ALK: variants seen among roughly 807,000 people sequenced by gnomAD.
The protein encoded by ALK is ALK tyrosine kinase receptor.
In ALK, 74 loss-of-function variants were observed where a neutral mutation model predicts 163.1. That is an observed-to-expected ratio of 0.45 (90% CI 0.38 to 0.55). The LOEUF (loss-of-function observed/expected upper bound fraction) is 0.55. ALK is among the 20% of genes least tolerant of loss of function. ALK has a pLI of 0.00. For synonymous variants in ALK, 960 were observed against 843.2 expected (o/e 1.14, Z -2.40); for missense variants, 2,063 against 2,105.3 (o/e 0.98, Z 0.39).
At chr2:29,377,393 T>G (rs939740231) in intron 5 of ALK, among the ~76,000 whole-genome samples, 9 of 149,446 alleles carry the variant, frequency 6.0e-5, no homozygotes, top group Admixed American at 1.4e-4. Flanking sequence ...GAGAATTCCT[T>G]GAACCCAGGA....
chr2:29,787,232 C>A (rs1446347018), intron 1 of ALK, among the ~76,000 whole-genome samples: 1 of 152,192 alleles, frequency 6.6e-6, no homozygotes, highest in South Asian at 2.1e-4. Flanking sequence ...CACATTAGCA[C>A]TGCAATAATC....
intron 3 of ALK, 135 bp from the exon 4 acceptor site, chr2:29,532,251 C>G (rs1673141636): frequency 1.2e-6 from 1 of 824,192 alleles, no homozygotes; most frequent in South Asian, 1.5e-5. Flanking sequence ...CTGCATGCAC[C>G]CAGCCTTCTT....
intron 11 of ALK, among the ~76,000 whole-genome samples, chr2:29,265,386 T>C (rs2148208336): frequency 6.6e-6 from 1 of 152,260 alleles, no homozygotes; most frequent in Admixed American, 6.5e-5. Flanking sequence ...CCTAATCCCA[T>C]GTCTGACGAA....
intron 3 of ALK, among the ~76,000 whole-genome samples, chr2:29,671,223 A>C (rs188538573): frequency 1.1e-3 from 160 of 152,108 alleles, no homozygotes; most frequent in Non-Finnish European, 2.0e-3. Context: ...GCCCAGGTTC[A>C]CCTCTGCGCT....
At chr2:29,809,932 A>G (rs528466567) in intron 1 of ALK, among the ~76,000 whole-genome samples, 2 of 152,294 alleles carry the variant, frequency 1.3e-5, no homozygotes, top group South Asian at 4.1e-4. Flanking sequence ...AATCTTCCCA[A>G]GTCAGACTTG....
chr2:29,489,834 G>A (rs1671858847), intron 4 of ALK, among the ~76,000 whole-genome samples: 1 of 152,222 alleles, frequency 6.6e-6, no homozygotes, highest in South Asian at 2.1e-4. Flanking sequence ...ACCTGGTTAT[G>A]CAGGTGTTAT....
chr2:29,646,211 C>T (rs923234741), intron 3 of ALK, among the ~76,000 whole-genome samples: 2 of 152,024 alleles, frequency 1.3e-5, no homozygotes, highest in East Asian at 1.9e-4. Context: ...GCAACTTTAT[C>T]CCCCCCAGGC....
chr2:29,237,454 C>T (rs1489174108), intron 13 of ALK, among the ~76,000 whole-genome samples: 1 of 152,194 alleles, frequency 6.6e-6, no homozygotes, highest in African/African-American at 2.4e-5. Context: ...CTTTGGCTCC[C>T]TCTCCTCCAG....
intron 1 of ALK, among the ~76,000 whole-genome samples, chr2:29,796,305 C>T (rs955966120): frequency 2.0e-5 from 3 of 152,134 alleles, no homozygotes; most frequent in South Asian, 2.1e-4. Flanking sequence ...ACGAAAAATA[C>T]AGCACGGATT....
At chr2:29,816,044 G>A (rs1004369254) in intron 1 of ALK, among the ~76,000 whole-genome samples, 1 of 152,228 alleles carries the variant, frequency 6.6e-6, no homozygotes, top group African/African-American at 2.4e-5. Context: ...CCTTGGGGTT[G>A]GAGGCGCTGG....
intron 22 of ALK, among the ~76,000 whole-genome samples, chr2:29,221,965 A>G (rs923895534): frequency 2.0e-5 from 3 of 152,204 alleles, no homozygotes; most frequent in African/African-American, 4.8e-5. Flanking sequence ...GCCTCCCATC[A>G]TATTAGAAGC....
At chr2:29,910,150 G>A (rs1667664611) in intron 1 of ALK, among the ~76,000 whole-genome samples, 1 of 152,050 alleles carries the variant, frequency 6.6e-6, no homozygotes, top group Non-Finnish European at 1.5e-5. Flanking sequence ...CTTAGAGAAA[G>A]ACATAAACAT....
intron 4 of ALK, among the ~76,000 whole-genome samples, chr2:29,517,633 G>A (rs2148146217): frequency 6.6e-6 from 1 of 152,218 alleles, no homozygotes; most frequent in East Asian, 1.9e-4. Flanking sequence ...TAAACCTCCT[G>A]CTACTAATGG....
At chr2:29,638,223 C>T (rs945317926) in intron 3 of ALK, among the ~76,000 whole-genome samples, 1 of 152,172 alleles carries the variant, frequency 6.6e-6, no homozygotes, top group Non-Finnish European at 1.5e-5. Flanking sequence ...TGGGGACCTG[C>T]AATATAGAAA....
Position 29,919,590 on chromosome 2 carries a change from G to T in ALK, c.667+403C>A, listed in dbSNP as rs548851195. 2.6e-5 allele frequency among the ~76,000 whole-genome samples: 4 copies of T among 152,278 alleles called. No individual in the cohort carries two copies. In the East Asian group the frequency reaches 7.7e-4, roughly 29 times the overall value. On this transcript the variant is annotated intron_variant, in intron 1 of 28. Transcript: ENST00000389048. ...TACCATATTTCCCAAATCTGTGCTG[G>T]CCAGGAACAAGAGGGAGAGAAGGGC...
chr2:29,736,044 G>C (rs751036511), intron 1 of ALK, among the ~76,000 whole-genome samples: 6 of 152,004 alleles, frequency 3.9e-5, no homozygotes, highest in Non-Finnish European at 5.9e-5. Context: ...GCCAGCCCAT[G>C]ACAGCATCAG....
chr2:29,544,118 G>C (rs1673486795), intron 3 of ALK, among the ~76,000 whole-genome samples: 2 of 152,130 alleles, frequency 1.3e-5, no homozygotes, highest in African/African-American at 4.8e-5. Context: ...ATGTTAGGTG[G>C]GAACTAAGGA....
intron 1 of ALK, among the ~76,000 whole-genome samples, chr2:29,755,990 A>T (rs1047011641): frequency 6.6e-6 from 1 of 152,228 alleles, no homozygotes; most frequent in East Asian, 1.9e-4. Flanking sequence ...GATGCACCTC[A>T]GTTGTGCTGA....
At chr2:29,215,085 C>T (rs1669565346) in intron 23 of ALK, among the ~76,000 whole-genome samples, 1 of 152,192 alleles carries the variant, frequency 6.6e-6, no homozygotes, top group Admixed American at 6.5e-5. Flanking sequence ...TAGGGCCGCC[C>T]CAAGAAAGGT....
Sources: gnomAD v4.1 joint callset for allele counts (sites outside exome capture counted in the v4.1 genomes callset) on GRCh38, gnomAD v4.1.1 for gene constraint, MANE v1.5 for transcripts, NCBI Gene and HGNC (gene_info 2026-07-23, HGNC 2026-07-21) for gene names.